The following PRKAG1 variants were observed in gnomAD, a reference collection of about 807,000 sequenced individuals.
PRKAG1 encodes the protein 5'-AMP-activated protein kinase subunit gamma-1.
A neutral mutation model predicts 48.2 loss-of-function variants in PRKAG1; 27 were observed. The ratio of observed to expected loss-of-function variants is 0.56; its 90% CI spans 0.41 to 0.77. PRKAG1 has a LOEUF of 0.77. Among genes scored for constraint, PRKAG1 ranks in the 30% least tolerant of loss-of-function variants. The pLI, the probability that PRKAG1 is intolerant of heterozygous loss-of-function variation, is 0.00. For synonymous variants in PRKAG1, 130 were observed against 147.7 expected (o/e 0.88, Z 0.87); for missense variants, 287 against 398.3 (o/e 0.72, Z 2.38).
chr12:49,017,542 C>T, intron 1 of PRKAG1: 1 of 239,668 alleles, frequency 4.2e-6, no homozygotes, highest in Non-Finnish European at 8.5e-6. Flanking sequence ...TTAACTTCTA[C>T]CCCAGAGCCT....
intron 8 of PRKAG1, 56 bp from the exon 9 acceptor site, chr12:49,003,978 C>G (rs1483632830): frequency 4.0e-5 from 61 of 1,536,170 alleles, no homozygotes; most frequent in Non-Finnish European, 4.5e-5. Context: ...CCCTTGGATA[C>G]CCCCTCCAAC....
chr12:49,013,454 AG>A (rs1941843889), intron 1 of PRKAG1, among the ~76,000 whole-genome samples: 1 of 152,168 alleles, frequency 6.6e-6, no homozygotes, highest in Non-Finnish European at 1.5e-5. Context: ...CATGTTGCCC[AG>A]GCTGGTCTTG....
chr12:49,004,825 GT>G, intron 7 of PRKAG1, 138 bp downstream of exon 7: 3 of 848,402 alleles, frequency 3.5e-6, no homozygotes, highest in Non-Finnish European at 5.8e-6. Context: ...GTGTGTGTGT[GT>G]GTGTGTGTGT....
rs1365994664 is a variant in PRKAG1, at chr12:49,003,757, C to G, written c.703G>C (p.Gly235Arg). 1 of 1,611,436 alleles carries G rather than the reference C, an allele frequency of 6.2e-7. No homozygotes were observed. The highest frequency in any genetic ancestry group is 8.5e-7 in the Non-Finnish European group (1 of 1,178,626). Residue 235 changes from glycine to arginine, a missense_variant and splice_region_variant, in exon 9 of 12, where the codon GGG becomes CGG. Gly to Arg is a moderately radical substitution (Grantham distance 125). Coordinates refer to ENST00000548065, the MANE Select transcript of PRKAG1 (RefSeq NM_002733.5). ...CCTCTCCTTCTGCCCAATCTCTCAC[C>G]CTTCTCATCCACCACTGGCAGGGCT... Reference protein sequence around the residue: ...VSALPVVDEKGRVVDIYSKFD... With the variant: ...VSALPVVDEKRRVVDIYSKFD...
At chr12:49,012,049 AT>A (rs1462557538) in intron 2 of PRKAG1, among the ~76,000 whole-genome samples, 1 of 151,570 alleles carries the variant, frequency 6.6e-6, no homozygotes, top group Non-Finnish European at 1.5e-5. Flanking sequence ...TAGAGACAAG[AT>A]TTCACGATGT....
chr12:49,011,031 C>T (rs1306606725), intron 2 of PRKAG1, among the ~76,000 whole-genome samples: 1 of 151,860 alleles, frequency 6.6e-6, no homozygotes, highest in South Asian at 2.1e-4. Context: ...TTAGTAGAGA[C>T]GGGGTTTCAC....
At chr12:49,016,959 G>A (rs1029634981) in intron 1 of PRKAG1, 18 of 339,658 alleles carry the variant, frequency 5.3e-5, no homozygotes, top group East Asian at 4.3e-4. Flanking sequence ...ACATCATGCC[G>A]CTGGCTCACC....
rs202191815 is a variant in PRKAG1, at chr12:49,002,907, T to G, written c.988A>C (p.Lys330Gln). The G allele has an allele frequency of 1.5e-5, 25 of 1,613,966 alleles. No individual in the cohort carries two copies. Among genetic ancestry groups the G allele is most frequent in the African/African-American group, 1.1e-4 (8 of 75,050 alleles). The change falls in exon 12 of 12, where the codon AAG becomes CAG. Residue 330 changes from lysine to glutamine, a missense_variant. Transcript: ENST00000548065. ...QALVLTGGEK[K>Q]P is the part of the protein sequence containing the mutation. ...TGACCCCTTCCCCCAGCTCAGGGCT[T>G]CTTCTCTCCACCTGTGAGCACCAGG...
intron 2 of PRKAG1, among the ~76,000 whole-genome samples, chr12:49,006,572 C>G (rs1941544651): frequency 6.6e-6 from 1 of 152,170 alleles, no homozygotes. Context: ...GCTAGTTTAC[C>G]TTTTTCTATT....
intron 1 of PRKAG1, chr12:49,017,440 G>A (rs1250403508): frequency 6.2e-6 from 2 of 321,460 alleles, no homozygotes; most frequent in African/African-American, 4.4e-5. Context: ...CTGAACTCCT[G>A]AGCTCAAGCA....
rs1251389710 is a variant in PRKAG1, at chr12:49,005,553, A to T, written c.169-10T>A. 1 of 1,614,108 alleles carries T rather than the reference A, an allele frequency of 6.2e-7. No homozygotes were observed. Among genetic ancestry groups the T allele is most frequent in the East Asian group, 2.2e-5 (1 of 44,892 alleles). On this transcript the variant is annotated splice_polypyrimidine_tract_variant and intron_variant, in intron 3 of 11. Coordinates refer to ENST00000548065, the MANE Select transcript of PRKAG1 (RefSeq NM_002733.5). The surrounding 1 kb of genome is among the most constrained non-coding windows in gnomAD (Gnocchi z 4.1). The stretch of plus-strand genomic sequence containing the variant: ...AAAAAGCTTTCTTCACCTGTAGCCA[A>T]GACAGTAATAATCATAAAGGCAAAT...
At position 49,002,835 on chromosome 12, in the gene PRKAG1, C is replaced by G. The variant is rs776011328; in HGVS notation, c.*64G>C. On this transcript the variant is annotated 3_prime_UTR_variant, in exon 12 of 12. Coordinates refer to ENST00000548065, the MANE Select transcript of PRKAG1 (RefSeq NM_002733.5). ...TCCCTCAAGTTTCATCTGATTCCCA[C>G]AGAGCTTCCAGCAGGCAGTGAGTTG... 3 of 1,456,120 alleles carry G rather than the reference C, an allele frequency of 2.1e-6. No homozygotes were observed. Among genetic ancestry groups the G allele is most frequent in the Non-Finnish European group, 2.9e-6 (3 of 1,047,014 alleles). 90.2% of individuals were successfully genotyped at this position (1,456,120 alleles called of 1,614,324 possible).
intron 1 of PRKAG1, chr12:49,016,926 G>A (rs563736641): frequency 8.8e-6 from 3 of 340,950 alleles, no homozygotes; most frequent in African/African-American, 4.3e-5. Flanking sequence ...TTCTCCCACT[G>A]TGACCAAAAT....
At chr12:49,016,766 C>G (rs1168634488) in intron 1 of PRKAG1, 1 of 174,162 alleles carries the variant, frequency 5.7e-6, no homozygotes, top group Non-Finnish European at 1.2e-5. Flanking sequence ...GTAGCTCAGT[C>G]CATGTACAGA....
At position 49,018,604 on chromosome 12, in the gene PRKAG1, A is replaced by G. The variant is rs567624043; in HGVS notation, c.9+128T>C. The G allele has an allele frequency of 1.7e-4, 266 of 1,572,948 alleles. 2 individuals carry two copies. The South Asian group carries it at 2.6e-3, about 15-fold the overall frequency. On this transcript the variant is annotated intron_variant, in intron 1 of 11. Coordinates refer to ENST00000548065, the MANE Select transcript of PRKAG1 (RefSeq NM_002733.5). The stretch of plus-strand genomic sequence containing the variant: ...GAGGAACAGGGTCACGGGATAGGGC[A>G]GACACCCGGCTGCTTTTTGTTTGCT...
In PRKAG1 at chr12:49,018,679, G is replaced by C. The variant is rs114080667; in HGVS notation, c.9+53C>G. ...GGCCCTCCCGGTCTCCTAAGGGTTGGGGGGGTGTCTTAGGCTCCACAGCGC... is the reference window on the plus strand; with the variant it reads ...GGCCCTCCCGGTCTCCTAAGGGTTGCGGGGGTGTCTTAGGCTCCACAGCGC... On this transcript the variant is annotated intron_variant, in intron 1 of 11. Transcript: ENST00000548065. The C allele has an allele frequency of 4.8e-3, 7,800 of 1,613,506 alleles. 322 individuals carry two copies. In the African/African-American group the frequency reaches 0.09, roughly 19 times the overall value.
chr12:49,016,643 AATCT>A (rs1317506902), intron 1 of PRKAG1: 14 of 154,226 alleles, frequency 9.1e-5, no homozygotes, highest in African/African-American at 3.4e-4. Context: ...CCTTGGCCCA[AATCT>A]ATCTGTTCTT....
intron 2 of PRKAG1, among the ~76,000 whole-genome samples, chr12:49,008,155 G>C (rs1022023800): frequency 6.6e-6 from 1 of 151,990 alleles, no homozygotes; most frequent in African/African-American, 2.4e-5. Context: ...CACTGCACCC[G>C]GCCAGTATTT....
At chr12:49,004,809 G>C (rs1941454839) in intron 7 of PRKAG1, 155 bp downstream of exon 7, 2 of 1,233,576 alleles carry the variant, frequency 1.6e-6, no homozygotes, top group East Asian at 2.4e-5. Context: ...GAGAGAGAGA[G>C]AGACTGTGTG....
Sources: allele counts gnomAD v4.1 joint callset (sites outside exome capture counted in the v4.1 genomes callset), GRCh38; gene constraint gnomAD v4.1.1; non-coding constraint Gnocchi (gnomAD v3.1); transcripts MANE v1.5; gene names NCBI Gene and HGNC (gene_info 2026-07-23, HGNC 2026-07-21).